CEP170B: variants seen among roughly 807,000 people sequenced by gnomAD.
CEP170B encodes the protein centrosomal protein 170B.
Under a neutral mutation model 120.6 loss-of-function variants are expected in CEP170B, and 55 were observed. The ratio of observed to expected loss-of-function variants is 0.46; its 90% CI spans 0.37 to 0.57. CEP170B has a LOEUF of 0.57. CEP170B is among the 20% of genes least tolerant of loss of function. The pLI is 0.00. For synonymous variants in CEP170B, 1,033 were observed against 954.5 expected (o/e 1.08, Z -1.52); for missense variants, 2,212 against 2,253.3 (o/e 0.98, Z 0.37).
rs752265 is a variant in CEP170B at position 104,895,597 on chromosome 14, T to C, written c.*639T>C. 103,096 of 152,668 alleles carry C rather than the reference T, an allele frequency of 0.68. 36,217 individuals are homozygous for C. Among genetic ancestry groups the C allele is most frequent in the Middle Eastern group, 0.87 (255 of 294 alleles). The allele number at this position is 152,668 out of a possible 1,614,324, so 9.5% of individuals were successfully genotyped here. On this transcript the variant is annotated 3_prime_UTR_variant, in exon 19 of 19. Coordinates refer to ENST00000414716, the MANE Select transcript of CEP170B (RefSeq NM_001112726.3). ...AAACCCATTGAGCTTGGGGCTGCCC[T>C]GTGGAGGCCTCCTGGGTATGGACCA...
Position 104,889,583 on chromosome 14 carries a change from G to A in CEP170B, c.3740-37G>A, listed in dbSNP as rs751121573. The stretch of plus-strand genomic sequence containing the variant: ...TGAGGAGGAGTACGGCTCCCGCCAC[G>A]GCTCCCCCAAACACACACGCTCCCA... On this transcript the variant is annotated intron_variant, in intron 12 of 18. Coordinates refer to ENST00000414716, the MANE Select transcript of CEP170B (RefSeq NM_001112726.3). 8.7e-6 allele frequency: 14 copies of A among 1,605,858 alleles called. No individual in the cohort carries two copies. In the Admixed American group the frequency reaches 1.3e-4, roughly 15 times the overall value.
intron 18 of CEP170B, 51 bp downstream of exon 18, chr14:104,894,639 G>A: frequency 1.3e-6 from 2 of 1,592,202 alleles, no homozygotes; most frequent in Non-Finnish European, 1.7e-6. Context: ...AGGGCCTTGT[G>A]GGGAACCCTG....
At chr14:104,874,470 G>C (rs1895728246) in intron 2 of CEP170B, among the ~76,000 whole-genome samples, 1 of 152,080 alleles carries the variant, frequency 6.6e-6, no homozygotes, top group Non-Finnish European at 1.5e-5. Flanking sequence ...GGGAGGGCAT[G>C]TGGGGCAGGA....
At chr14:104,873,074 C>G (rs956741323) in intron 2 of CEP170B, among the ~76,000 whole-genome samples, 1 of 152,136 alleles carries the variant, frequency 6.6e-6, no homozygotes, top group Admixed American at 6.5e-5. Flanking sequence ...GGGGCTGCTT[C>G]TGGTTGGAGA....
rs201167874 is a variant in CEP170B at position 104,883,986 on chromosome 14, G to A, written c.1207G>A (p.Ala403Thr). Reference protein sequence around the residue: ...DPQELLHNQQAFVIEFFDEDT... With the variant: ...DPQELLHNQQTFVIEFFDEDT... ...CCAGGAGCTACTACATAACCAGCAG[G>A]CCTTTGTCATCGAGTTCTTCGACGA... Residue 403 changes from alanine to threonine, a missense_variant, in exon 9 of 19, where the codon GCC (alanine) becomes ACC (threonine). Physicochemically the swap from Ala to Thr is moderately conservative, Grantham distance 58. Coordinates refer to ENST00000414716, the MANE Select transcript of CEP170B (RefSeq NM_001112726.3). 1.4e-5 allele frequency: 22 copies of A among 1,610,686 alleles called. No homozygotes were observed. The highest frequency in any genetic ancestry group is 1.8e-5 in the Non-Finnish European group (21 of 1,178,830).
intron 11 of CEP170B, 41 bp downstream of exon 11, chr14:104,886,171 G>C: frequency 6.7e-7 from 1 of 1,493,602 alleles, no homozygotes; most frequent in Non-Finnish European, 8.9e-7. Flanking sequence ...GGCCAGGCCG[G>C]GGCGGGCCTC....
chr14:104,876,875 C>T (rs1017108346), intron 3 of CEP170B, among the ~76,000 whole-genome samples: 3 of 152,118 alleles, frequency 2.0e-5, no homozygotes, highest in African/African-American at 2.4e-5. Flanking sequence ...GAAGGTAACC[C>T]GGAGGGAACC....
At chr14:104,872,819 C>T (rs1895646171) in intron 2 of CEP170B, among the ~76,000 whole-genome samples, 1 of 152,192 alleles carries the variant, frequency 6.6e-6, no homozygotes, top group South Asian at 2.1e-4. Flanking sequence ...CAGGCTGTTG[C>T]CCCAGAGGGC....
rs1056099059 is a variant in CEP170B, at chr14:104,891,834, G to A, written c.3879-1142G>A. 1.3e-5 allele frequency among the ~76,000 whole-genome samples: 2 copies of A among 152,144 alleles called. No homozygotes were observed. The highest frequency in any genetic ancestry group is 2.9e-5 in the Non-Finnish European group (2 of 68,018). On this transcript the variant is annotated intron_variant, in intron 13 of 18. Coordinates refer to ENST00000414716, the MANE Select transcript of CEP170B (RefSeq NM_001112726.3). The surrounding 1 kb of genome is among the most constrained non-coding windows in gnomAD (Gnocchi z 4.3). The stretch of plus-strand genomic sequence containing the variant: ...GGGCCAGGGGCATGTGCCAGTTGGT[G>A]TCACCCAGAGGTGGAGGGAGGGCTT...
At chr14:104,873,106 T>TCCCCATG (rs1252180312) in intron 2 of CEP170B, among the ~76,000 whole-genome samples, 1 of 151,914 alleles carries the variant, frequency 6.6e-6, no homozygotes, top group African/African-American at 2.4e-5. Context: ...GGAAGGGGGT[T>TCCCCATG]CCCCATGTGT....
At chr14:104,878,364 G>T in intron 4 of CEP170B, 79 bp from the exon 5 acceptor site, 1 of 1,456,024 alleles carries the variant, frequency 6.9e-7, no homozygotes. Flanking sequence ...CCTTGAGCTG[G>T]CACACCTGTT....
intron 12 of CEP170B, among the ~76,000 whole-genome samples, chr14:104,889,053 G>A (rs1272590646): frequency 6.6e-6 from 1 of 152,220 alleles, no homozygotes; most frequent in Admixed American, 6.5e-5. Context: ...GGAACCTGAA[G>A]CTTTGGGTCT....
At position 104,870,674 on chromosome 14, in the gene CEP170B, T is replaced by C. The variant is rs925434947; in HGVS notation, c.105+2119T>C. On this transcript the variant is annotated intron_variant, in intron 2 of 18. Transcript: ENST00000414716. This position sits in a 1 kb window ranked among gnomAD's most constrained non-coding sequence, Gnocchi z 4.1. ...TGGGGGCAGGGTGCTCAGGGTGAGT[T>C]TGGGGTCCGATTCCGAGTTTCTGCA... Among the ~76,000 whole-genome samples, 1 of 152,062 alleles carries C rather than the reference T, an allele frequency of 6.6e-6. No individual in the cohort carries two copies. Among genetic ancestry groups the C allele is most frequent in the African/African-American group, 2.4e-5 (1 of 41,380 alleles).
intron 18 of CEP170B, 40 bp from the exon 19 acceptor site, chr14:104,894,671 G>T: frequency 6.4e-7 from 1 of 1,573,802 alleles, no homozygotes. Context: ...GGGAGCAGGT[G>T]AACTGGATCC....
At position 104,870,207 on chromosome 14, in the gene CEP170B, GGC is replaced by G. The variant is rs976755909; in HGVS notation, c.105+1654_105+1655del. Among the ~76,000 whole-genome samples, 60 of 152,312 alleles carry G rather than the reference GGC, an allele frequency of 3.9e-4. No homozygotes were observed. The highest frequency in any genetic ancestry group is 1.4e-3 in the African/African-American group (57 of 41,572). On this transcript the variant is annotated intron_variant, in intron 2 of 18. Coordinates refer to ENST00000414716, the MANE Select transcript of CEP170B (RefSeq NM_001112726.3). This position sits in a 1 kb window ranked among gnomAD's most constrained non-coding sequence, Gnocchi z 4.1. ...GAGGGGCAGCCAGGGAGCGAGCGTG[GGC>G]GACCGAGGTGGGCGCGGCAGCACCT... is the stretch of plus-strand genomic sequence containing the variant.
chr14:104,884,358 CCCG>C lies in CEP170B; in HGVS notation c.1581_1583del (p.Ala528del), dbSNP rs1566863808. ...CCCCGAGAAGGTTCCTCCGGTGCTGCCCGCTCCCCTGACACCCCATGGGACCAG... is the reference window on the plus strand; with the variant it reads ...CCCCGAGAAGGTTCCTCCGGTGCTGCCTCCCCTGACACCCCATGGGACCAG... On this transcript the variant is annotated inframe_deletion, in exon 9 of 19. Transcript: ENST00000414716. 1.3e-6 allele frequency: 2 copies of C among 1,545,488 alleles called. No individual in the cohort carries two copies. The highest frequency in any genetic ancestry group is 1.7e-6 in the Non-Finnish European group (2 of 1,145,624).
At chr14:104,883,633 A>G in intron 8 of CEP170B, 125 bp downstream of exon 8, 1 of 1,163,628 alleles carries the variant, frequency 8.6e-7, no homozygotes, top group Non-Finnish European at 1.2e-6. Flanking sequence ...TTTTCAGTTA[A>G]TTGCCTAAGA....
intron 14 of CEP170B, 96 bp downstream of exon 14, chr14:104,893,231 C>T: frequency 7.4e-7 from 1 of 1,343,666 alleles, no homozygotes; most frequent in Non-Finnish European, 1.0e-6. Flanking sequence ...CGGCTGAGGC[C>T]CTGCTGCACA....
intron 8 of CEP170B, 50 bp from the exon 9 acceptor site, chr14:104,883,781 C>T: frequency 2.1e-6 from 3 of 1,461,890 alleles, no homozygotes; most frequent in South Asian, 1.4e-5. Flanking sequence ...AGATCGACAG[C>T]TGTTTCCTTT....
Sources: gnomAD v4.1 joint callset for allele counts (sites outside exome capture counted in the v4.1 genomes callset) on GRCh38, gnomAD v4.1.1 for gene constraint, Gnocchi (gnomAD v3.1) non-coding constraint, MANE v1.5 for transcripts, NCBI Gene and HGNC (gene_info 2026-07-23, HGNC 2026-07-21) for gene names.